The following BCAS3 variants were observed in gnomAD, a reference collection of about 807,000 sequenced individuals.
BCAS3 encodes the protein BCAS3 microtubule associated cell migration factor, also known as BCAS4/BCAS3 fusion.
In BCAS3, 53 loss-of-function variants were observed where a neutral mutation model predicts 116.1. That is an observed-to-expected ratio of 0.46 (90% confidence interval 0.37 to 0.57). The LOEUF (loss-of-function observed/expected upper bound fraction) is 0.57, where lower values mean the gene tolerates loss of function less well. Ranked by LOEUF, BCAS3 falls within the 20% of genes least tolerant of loss-of-function variation. The pLI is 0.00. For synonymous variants in BCAS3, 391 were observed against 408.2 expected, an observed-to-expected ratio of 0.96 and a Z score of 0.51; for missense variants, 917 against 1,165.4, an observed-to-expected ratio of 0.79 and a Z score of 3.10.
At chr17:61,360,752 A>G (rs1376019774) in intron 22 of BCAS3, among the ~76,000 whole-genome samples, 1 of 152,268 alleles carries the variant, frequency 6.6e-6, no homozygotes, top group East Asian at 1.9e-4. Context: ...AAATAAGGCC[A>G]CATTCTGAGG....
chr17:61,147,526 C>A (rs2077295192), intron 22 of BCAS3, among the ~76,000 whole-genome samples: 1 of 152,176 alleles, frequency 6.6e-6, no homozygotes, highest in Admixed American at 6.5e-5. Flanking sequence ...CCTGGGCCAA[C>A]AGGTGTTTCT....
At position 61,126,502 on chromosome 17, in the gene BCAS3, A is replaced by G. The variant is rs142601022; in HGVS notation, c.2425+41938A>G. Among the ~76,000 whole-genome samples the G allele has an allele frequency of 9.2e-4, 140 of 152,344 alleles. No homozygotes were observed. The highest frequency in any genetic ancestry group is 3.2e-3 in the African/African-American group (132 of 41,596). ...GTATTTTAAGTATTTTCATAATCCA[A>G]CATAAATTGGCCCACCCAAGGATTA... is the stretch of plus-strand genomic sequence containing the variant. On this transcript the variant is annotated intron_variant, in intron 22 of 23. Coordinates refer to ENST00000407086, the MANE Select transcript of BCAS3 (RefSeq NM_017679.5). The surrounding 1 kb of genome is among the most constrained non-coding windows in gnomAD (Gnocchi z 4.6).
intron 22 of BCAS3, among the ~76,000 whole-genome samples, chr17:61,301,711 G>A (rs1220125705): frequency 6.6e-6 from 1 of 152,140 alleles, no homozygotes; most frequent in Non-Finnish European, 1.5e-5. Context: ...CATTATAATT[G>A]ATATAAATGC....
chr17:61,143,570 G>A (rs920536804), intron 22 of BCAS3, among the ~76,000 whole-genome samples: 12 of 152,202 alleles, frequency 7.9e-5, no homozygotes, highest in Non-Finnish European at 1.3e-4. Flanking sequence ...AGCACTTTGG[G>A]AGGCTGAGGC....
At chr17:60,724,312 G>A (rs991722153) in intron 5 of BCAS3, among the ~76,000 whole-genome samples, 5 of 150,896 alleles carry the variant, frequency 3.3e-5, no homozygotes, top group African/African-American at 9.8e-5. Context: ...AATCCCAGCT[G>A]CTTGGGTAGC....
At chr17:60,745,910 A>C (rs1401384959) in intron 5 of BCAS3, among the ~76,000 whole-genome samples, 10 of 152,260 alleles carry the variant, frequency 6.6e-5, no homozygotes, top group African/African-American at 2.2e-4. Flanking sequence ...GCAGCTCTTA[A>C]ATTCAGATAG....
intron 5 of BCAS3, among the ~76,000 whole-genome samples, chr17:60,733,000 G>A (rs748891782): frequency 1.4e-4 from 22 of 152,198 alleles, no homozygotes; most frequent in Non-Finnish European, 2.9e-4. Context: ...AGGTAGAATA[G>A]TGAGACCAAT....
intron 5 of BCAS3, among the ~76,000 whole-genome samples, chr17:60,741,071 A>G (rs909294777): frequency 6.6e-6 from 1 of 152,154 alleles, no homozygotes; most frequent in Admixed American, 6.5e-5. Context: ...TGTCAATCAC[A>G]GTTTAGGTGT....
intron 22 of BCAS3, among the ~76,000 whole-genome samples, chr17:61,260,055 A>G (rs550244693): frequency 6.6e-6 from 1 of 152,198 alleles, no homozygotes; most frequent in Non-Finnish European, 1.5e-5. Flanking sequence ...TGTTACAGAT[A>G]AGTACTGGAT....
chr17:60,716,985 G>T (rs2038687410), intron 5 of BCAS3, among the ~76,000 whole-genome samples: 1 of 152,248 alleles, frequency 6.6e-6, no homozygotes, highest in South Asian at 2.1e-4. Flanking sequence ...GGTAGGTGGG[G>T]AAGATAGATA....
intron 10 of BCAS3, 78 bp from the exon 11 acceptor site, chr17:60,902,542 A>G: frequency 8.5e-7 from 1 of 1,174,648 alleles, no homozygotes; most frequent in South Asian, 1.3e-5. Context: ...ACGGAAAATA[A>G]GCTCTATCCT....
At chr17:60,907,664 C>T (rs913068250) in intron 11 of BCAS3, among the ~76,000 whole-genome samples, 4 of 152,192 alleles carry the variant, frequency 2.6e-5, no homozygotes, top group Admixed American at 6.5e-5. Context: ...GAAGATTCAT[C>T]AGTGATTTAA....
chr17:60,713,961 G>A (rs969543378), intron 5 of BCAS3, among the ~76,000 whole-genome samples: 2 of 152,160 alleles, frequency 1.3e-5, no homozygotes, highest in African/African-American at 4.8e-5. Context: ...AGCCTCCTGA[G>A]TAGCTGGAAC....
intron 22 of BCAS3, among the ~76,000 whole-genome samples, chr17:61,350,938 A>G (rs1346801775): frequency 2.0e-5 from 3 of 152,250 alleles, no homozygotes; most frequent in East Asian, 1.9e-4. Context: ...CCAGCCTTCA[A>G]TCTTAAAAAA....
Position 61,124,123 on chromosome 17 carries a change from A to C in BCAS3, c.2425+39559A>C, listed in dbSNP as rs1316514442. Among the ~76,000 whole-genome samples, 2 of 152,062 alleles carry C rather than the reference A, an allele frequency of 1.3e-5. No homozygotes were observed. Among genetic ancestry groups the C allele is most frequent in the Non-Finnish European group, 2.9e-5 (2 of 68,008 alleles). ...TTTTATTATTTAACATTTGGAGGGAAGTCAGATATCTTTGATCTCATTTCT... is the reference window on the plus strand; with the variant it reads ...TTTTATTATTTAACATTTGGAGGGACGTCAGATATCTTTGATCTCATTTCT... On this transcript the variant is annotated intron_variant, in intron 22 of 23. Transcript: ENST00000407086. This position sits in a 1 kb window ranked among gnomAD's most constrained non-coding sequence, Gnocchi z 4.6.
At chr17:60,929,626 A>C (rs2059537215) in intron 13 of BCAS3, among the ~76,000 whole-genome samples, 1 of 151,682 alleles carries the variant, frequency 6.6e-6, no homozygotes, top group South Asian at 2.1e-4. Context: ...TGTGCAGGTT[A>C]GTTACATATG....
chr17:61,203,333 T>G lies in BCAS3; in HGVS notation c.2425+118769T>G, dbSNP rs1181471160. On this transcript the variant is annotated intron_variant, in intron 22 of 23. Transcript: ENST00000407086. This position sits in a 1 kb window ranked among gnomAD's most constrained non-coding sequence, Gnocchi z 5.7. ...ACACCACACCTGGCTAATTTTTGTA[T>G]TATTAGTAGAAACAGGGTTTCGCCA... Among the ~76,000 whole-genome samples, 3 of 152,120 alleles carry G rather than the reference T, an allele frequency of 2.0e-5. No individual in the cohort carries two copies. Among genetic ancestry groups the G allele is most frequent in the Non-Finnish European group, 4.4e-5 (3 of 68,020 alleles).
rs778222098 is a variant in BCAS3, at chr17:60,993,862, A to G, written c.1486+3627A>G. On this transcript the variant is annotated intron_variant, in intron 15 of 23. Coordinates refer to ENST00000407086, the MANE Select transcript of BCAS3 (RefSeq NM_017679.5). This position sits in a 1 kb window ranked among gnomAD's most constrained non-coding sequence, Gnocchi z 4.2. The stretch of plus-strand genomic sequence containing the variant: ...TGGACCCAATCCAGTTTAGGTTAGG[A>G]TTATTTTATCTATTTGCCAATTTTT... Among the ~76,000 whole-genome samples the G allele has an allele frequency of 2.6e-5, 4 of 152,078 alleles. No individual in the cohort carries two copies. The highest frequency in any genetic ancestry group is 6.6e-5 in the Admixed American group (1 of 15,262).
chr17:61,299,913 A>G (rs1417210463), intron 22 of BCAS3, among the ~76,000 whole-genome samples: 1 of 152,218 alleles, frequency 6.6e-6, no homozygotes, highest in Admixed American at 6.5e-5. Flanking sequence ...ATTTATGTGT[A>G]TGCACGTGCA....
Sources: gnomAD v4.1 joint callset for allele counts (sites outside exome capture counted in the v4.1 genomes callset) on GRCh38, gnomAD v4.1.1 for gene constraint, Gnocchi (gnomAD v3.1) non-coding constraint, MANE v1.5 for transcripts, NCBI Gene and HGNC (gene_info 2026-07-23, HGNC 2026-07-21) for gene names.